MAN1A2: variants seen among roughly 807,000 people sequenced by gnomAD.
MAN1A2 encodes mannosyl-oligosaccharide 1,2-alpha-mannosidase IB.
In MAN1A2, 26 loss-of-function variants were observed where a neutral mutation model predicts 75.7. The ratio of observed to expected loss-of-function variants is 0.34; its 90% confidence interval spans 0.25 to 0.48. The LOEUF is 0.48. Ranked by LOEUF, MAN1A2 falls within the 20% of genes least tolerant of loss-of-function variation. The pLI is 0.99. For synonymous variants in MAN1A2, 247 were observed against 264.6 expected (o/e 0.93, Z 0.65); for missense variants, 562 against 775.5 (o/e 0.72, Z 3.27).
chr1:117,434,482 T>G (rs539066986), intron 5 of MAN1A2, among the ~76,000 whole-genome samples: 1 of 152,184 alleles, frequency 6.6e-6, no homozygotes, highest in Non-Finnish European at 1.5e-5. Context: ...GCGACCCACT[T>G]CTAGGAATCT....
At chr1:117,475,127 T>C (rs1267393294) in intron 8 of MAN1A2, among the ~76,000 whole-genome samples, 1 of 151,938 alleles carries the variant, frequency 6.6e-6, no homozygotes, top group East Asian at 1.9e-4. Flanking sequence ...ATAAAGCTGC[T>C]ATGAACACTG....
chr1:117,394,308 T>A (rs1653837967), intron 1 of MAN1A2, among the ~76,000 whole-genome samples: 1 of 152,120 alleles, frequency 6.6e-6, no homozygotes, highest in African/African-American at 2.4e-5. Context: ...GGTCTCAATC[T>A]CCTGACCTCG....
At chr1:117,485,535 A>G (rs1210182616) in intron 8 of MAN1A2, among the ~76,000 whole-genome samples, 1 of 151,976 alleles carries the variant, frequency 6.6e-6, no homozygotes, top group African/African-American at 2.4e-5. Context: ...GAGGGACTAC[A>G]GGAAAGGTAA....
intron 6 of MAN1A2, among the ~76,000 whole-genome samples, chr1:117,458,086 C>T (rs1282166077): frequency 6.6e-6 from 1 of 152,038 alleles, no homozygotes; most frequent in African/African-American, 2.4e-5. Flanking sequence ...TTGTAACTCA[C>T]TTTCTATCTC....
chr1:117,521,864 A>G (rs115998747), intron 12 of MAN1A2, among the ~76,000 whole-genome samples: 164 of 152,022 alleles, frequency 1.1e-3, no homozygotes, highest in Non-Finnish European at 2.0e-3. Flanking sequence ...AAAGGAACCA[A>G]TTAACAGCAT....
intron 1 of MAN1A2, among the ~76,000 whole-genome samples, chr1:117,382,804 C>G (rs559653733): frequency 5.3e-5 from 8 of 152,216 alleles, no homozygotes; most frequent in Admixed American, 3.3e-4. Context: ...TTGATTCTTC[C>G]TACCCATGAG....
chr1:117,510,121 T>C (rs191874221), intron 12 of MAN1A2, among the ~76,000 whole-genome samples: 168 of 152,036 alleles, frequency 1.1e-3, no homozygotes, highest in Non-Finnish European at 2.0e-3. Context: ...ATATAGAACT[T>C]GGTTCTGTTT....
chr1:117,422,810 A>G (rs949434259), intron 5 of MAN1A2, among the ~76,000 whole-genome samples: 2 of 151,962 alleles, frequency 1.3e-5, no homozygotes, highest in Non-Finnish European at 2.9e-5. Context: ...TATTTTGGAC[A>G]TAGGTCTTTT....
intron 8 of MAN1A2, among the ~76,000 whole-genome samples, chr1:117,472,105 C>T (rs901160663): frequency 2.6e-5 from 4 of 151,800 alleles, no homozygotes; most frequent in African/African-American, 9.7e-5. Flanking sequence ...ATTCATTCTT[C>T]ACTAAGTCTT....
intron 1 of MAN1A2, among the ~76,000 whole-genome samples, chr1:117,393,859 T>C (rs1278070990): frequency 2.0e-5 from 3 of 152,170 alleles, no homozygotes; most frequent in Admixed American, 1.3e-4. Context: ...TGAAAGCTGA[T>C]ATAAATAGTG....
chr1:117,511,374 C>A (rs1468970405), intron 12 of MAN1A2, among the ~76,000 whole-genome samples: 1 of 151,982 alleles, frequency 6.6e-6, no homozygotes, highest in Non-Finnish European at 1.5e-5. Flanking sequence ...GCGGGTCTTG[C>A]TAATTGCCCT....
intron 11 of MAN1A2, among the ~76,000 whole-genome samples, chr1:117,501,359 ATCT>A (rs1651195443): frequency 3.3e-5 from 5 of 151,836 alleles, no homozygotes; most frequent in African/African-American, 1.2e-4. Context: ...GCGGTGTCAT[ATCT>A]TAAATAGTAT....
Position 117,415,350 on chromosome 1 carries a change from C to T in MAN1A2, c.774+519C>T, listed in dbSNP as rs1647954519. ...AGTCTTCACCTAAAAGATGTGTGGA[C>T]TGTTTTGTCATATTCACATCTTTTG... is the stretch of plus-strand genomic sequence containing the variant. On this transcript the variant is annotated intron_variant, in intron 4 of 12. Coordinates refer to ENST00000356554, the MANE Select transcript of MAN1A2 (RefSeq NM_006699.5). Among the ~76,000 whole-genome samples, 3 of 152,072 alleles carry T rather than the reference C, an allele frequency of 2.0e-5. No homozygotes were observed. In the South Asian group the frequency reaches 6.2e-4, roughly 31 times the overall value.
Position 117,462,582 on chromosome 1 carries a change from TTTA to T in MAN1A2, c.1074+1974_1074+1976del, listed in dbSNP as rs1343100001. On this transcript the variant is annotated intron_variant, in intron 7 of 12. Transcript: ENST00000356554. The stretch of plus-strand genomic sequence containing the variant: ...AGAGAACAAAGAGAAGGTTGGAAGT[TTTA>T]TTAGAAATGTTATGTATAGTTTTGA... Among the ~76,000 whole-genome samples the T allele has an allele frequency of 5.3e-5, 8 of 152,224 alleles. No individual in the cohort carries two copies. In the East Asian group the frequency reaches 1.3e-3, roughly 26 times the overall value.
At chr1:117,408,962 G>T (rs1647716402) in intron 3 of MAN1A2, among the ~76,000 whole-genome samples, 1 of 152,022 alleles carries the variant, frequency 6.6e-6, no homozygotes, top group Non-Finnish European at 1.5e-5. Flanking sequence ...TCATTTGAAT[G>T]TCTGTGGCAG....
intron 4 of MAN1A2, among the ~76,000 whole-genome samples, chr1:117,418,212 T>C (rs1648070887): frequency 6.6e-6 from 1 of 152,156 alleles, no homozygotes. Flanking sequence ...TTCTAGATTC[T>C]GTGGATATAG....
At chr1:117,423,932 G>C (rs1028687847) in intron 5 of MAN1A2, among the ~76,000 whole-genome samples, 1 of 149,926 alleles carries the variant, frequency 6.7e-6, no homozygotes, top group Non-Finnish European at 1.5e-5. Context: ...GCCCAGGCTG[G>C]AGTGCAATGG....
intron 5 of MAN1A2, among the ~76,000 whole-genome samples, chr1:117,435,522 G>T (rs2101803791): frequency 6.6e-6 from 1 of 152,114 alleles, no homozygotes; most frequent in Non-Finnish European, 1.5e-5. Flanking sequence ...GAGAGGATAT[G>T]GATATAGTAA....
chr1:117,493,050 G>T, intron 8 of MAN1A2, 97 bp from the exon 9 acceptor site: 3 of 650,480 alleles, frequency 4.6e-6, no homozygotes, highest in South Asian at 3.8e-5. Flanking sequence ...TAAAATTATT[G>T]ACCTCTAACA....
Sources: gnomAD v4.1 joint callset for allele counts (sites outside exome capture counted in the v4.1 genomes callset) on GRCh38, gnomAD v4.1.1 for gene constraint, MANE v1.5 for transcripts, NCBI Gene and HGNC (gene_info 2026-07-23, HGNC 2026-07-21) for gene names.